FHIT: variants seen among roughly 807,000 people sequenced by gnomAD.
FHIT encodes fragile histidine triad diadenosine triphosphatase.
Under a neutral mutation model 17.9 loss-of-function variants are expected in FHIT, and 19 were observed. The ratio of observed to expected loss-of-function variants is 1.06; its 90% CI spans 0.74 to 1.56. The LOEUF (loss-of-function observed/expected upper bound fraction) is 1.56. Among genes scored for constraint, FHIT ranks in the 40% most tolerant of loss-of-function variants. The probability of loss-of-function intolerance (pLI) is 0.00; values close to 1 mark genes in which losing one functional copy is unlikely to be tolerated. For missense variants in FHIT, 248 were observed against 189.2 expected, an observed-to-expected ratio of 1.31 and a Z score of -1.82; for synonymous variants, 81 against 69.7, an observed-to-expected ratio of 1.16 and a Z score of -0.81.
intron 5 of FHIT, among the ~76,000 whole-genome samples, chr3:60,270,729 C>T (rs374469774): frequency 3.6e-4 from 55 of 152,262 alleles, no homozygotes; most frequent in East Asian, 1.2e-3. Context: ...GAGATTAGTT[C>T]GGCTTTGGCC....
chr3:60,297,464 C>G (rs946372576), intron 5 of FHIT, among the ~76,000 whole-genome samples: 2 of 151,864 alleles, frequency 1.3e-5, no homozygotes, highest in African/African-American at 2.4e-5. Context: ...TAGTTGGTTT[C>G]TATATGCTGG....
At chr3:60,167,260 C>T (rs538438728) in intron 5 of FHIT, among the ~76,000 whole-genome samples, 93 of 152,300 alleles carry the variant, frequency 6.1e-4, no homozygotes, top group Middle Eastern at 6.8e-3. Flanking sequence ...AGATATCCCA[C>T]TTCTGGAACA....
intron 5 of FHIT, among the ~76,000 whole-genome samples, chr3:60,399,032 T>A (rs1701563671): frequency 6.6e-6 from 1 of 152,168 alleles, no homozygotes; most frequent in Non-Finnish European, 1.5e-5. Flanking sequence ...GATGCTAACA[T>A]AACCTATTTT....
At chr3:60,714,561 A>C in intron 4 of FHIT, among the ~76,000 whole-genome samples, 1 of 152,226 alleles carries the variant, frequency 6.6e-6, no homozygotes, top group Admixed American at 6.5e-5. Context: ...AAATCTCCTT[A>C]AGCTGATAAG....
chr3:60,622,872 G>A (rs2039173393), intron 4 of FHIT, among the ~76,000 whole-genome samples: 1 of 152,174 alleles, frequency 6.6e-6, no homozygotes, highest in Non-Finnish European at 1.5e-5. Flanking sequence ...TGAGCTCCGT[G>A]CTCAAAAGAA....
At chr3:59,984,733 T>G (rs1708816920) in intron 7 of FHIT, among the ~76,000 whole-genome samples, 1 of 152,036 alleles carries the variant, frequency 6.6e-6, no homozygotes, top group Admixed American at 6.6e-5. Context: ...AAGCTCCTAT[T>G]AAGTTTGAGT....
intron 5 of FHIT, among the ~76,000 whole-genome samples, chr3:60,022,010 CAAA>C (rs1034529622): frequency 6.6e-6 from 1 of 152,144 alleles, no homozygotes; most frequent in African/African-American, 2.4e-5. Context: ...TCTGGCTTCT[CAAA>C]AATAAGAAAT....
chr3:59,940,079 C>T (rs775963750), intron 7 of FHIT, among the ~76,000 whole-genome samples: 1 of 152,086 alleles, frequency 6.6e-6, no homozygotes, highest in Non-Finnish European at 1.5e-5. Context: ...AGCTGTGGGA[C>T]CTGAGATAGT....
chr3:60,538,617 AG>A (rs2036072322), intron 4 of FHIT, among the ~76,000 whole-genome samples: 1 of 152,166 alleles, frequency 6.6e-6, no homozygotes, highest in African/African-American at 2.4e-5. Flanking sequence ...AACAGAACAG[AG>A]CCCTCAGAAA....
At chr3:60,545,893 G>T (rs1200393571) in intron 4 of FHIT, among the ~76,000 whole-genome samples, 2 of 152,124 alleles carry the variant, frequency 1.3e-5, no homozygotes, top group Non-Finnish European at 2.9e-5. Flanking sequence ...ATTGGTTTCT[G>T]AGAGGACTGT....
chr3:60,560,816 C>CAT lies in FHIT; in HGVS notation c.-17-23838_-17-23837insAT, dbSNP rs1427068125. ...TGATGTAAGGAGACACACACACACA[C>CAT]ACACACACACACACACACACACACA... On this transcript the variant is annotated intron_variant, in intron 4 of 9. Transcript: ENST00000492590. Among the ~76,000 whole-genome samples, 103 of 123,212 alleles carry CAT rather than the reference C, an allele frequency of 8.4e-4. 1 individual carries two copies. The highest frequency in any genetic ancestry group is 1.7e-4 in the Admixed American group (2 of 11,450). 80.8% of individuals were successfully genotyped at this position (123,212 alleles called of 152,430 possible).
chr3:59,929,422 G>A (rs1456546934), intron 7 of FHIT, among the ~76,000 whole-genome samples: 3 of 137,076 alleles, frequency 2.2e-5, no homozygotes, highest in African/African-American at 5.5e-5. Flanking sequence ...CCAGGCTGGA[G>A]TGCAGTGGCA....
chr3:60,786,748 G>A (rs6790615), intron 4 of FHIT, among the ~76,000 whole-genome samples: 43,669 of 151,984 alleles, frequency 0.29, 8,059 homozygotes, highest in African/African-American at 0.53. Flanking sequence ...TATTTCACCA[G>A]TGCTTTGCAC....
intron 3 of FHIT, among the ~76,000 whole-genome samples, chr3:60,839,684 T>C (rs1171125574): frequency 6.6e-6 from 1 of 152,104 alleles, no homozygotes; most frequent in South Asian, 2.1e-4. Context: ...CTGCAGCTCA[T>C]TTGTTGTCCC....
At chr3:60,531,712 G>C (rs796289104) in intron 5 of FHIT, among the ~76,000 whole-genome samples, 7 of 152,160 alleles carry the variant, frequency 4.6e-5, no homozygotes, top group African/African-American at 1.7e-4. Flanking sequence ...CTAAAAGGGC[G>C]CTTTTATGTA....
Position 59,986,717 on chromosome 3 carries a change from C to CATATATAAATATATTTATATAA in FHIT, c.279+24653_279+24654insTTATATAAATATATTTATATAT, listed in dbSNP as rs1708955668. On this transcript the variant is annotated intron_variant, in intron 7 of 9. Coordinates refer to ENST00000492590, the MANE Select transcript of FHIT (RefSeq NM_002012.4). Reference sequence around the variant, plus strand: ...TTATATATATTTATATAAATATATACATATATTTATATAAATATATACATA... The same window carrying CATATATAAATATATTTATATAA: ...TTATATATATTTATATAAATATATACATATATAAATATATTTATATAAATATATTTATATAAATATATACATA... Among the ~76,000 whole-genome samples the CATATATAAATATATTTATATAA allele has an allele frequency of 2.7e-4, 4 of 15,014 alleles. 1 individual carries two copies. The highest frequency in any genetic ancestry group is 2.6e-3 in the South Asian group (1 of 384). The allele number at this position is 15,014 out of a possible 152,430, so 9.8% of individuals were successfully genotyped here.
At chr3:59,864,649 G>C (rs1221748212) in intron 8 of FHIT, among the ~76,000 whole-genome samples, 4 of 151,470 alleles carry the variant, frequency 2.6e-5, no homozygotes, top group Non-Finnish European at 5.9e-5. Context: ...AACACGACTT[G>C]CAGTTTCTTT....
intron 5 of FHIT, among the ~76,000 whole-genome samples, chr3:60,337,168 A>T (rs1286855155): frequency 6.6e-6 from 1 of 152,178 alleles, no homozygotes; most frequent in African/African-American, 2.4e-5. Context: ...TAATGTGATA[A>T]ATTATGCTGC....
Position 60,374,098 on chromosome 3 carries a change from A to G in FHIT, c.103+162762T>C, listed in dbSNP as rs568797982. Among the ~76,000 whole-genome samples, 19 of 152,354 alleles carry G rather than the reference A, an allele frequency of 1.2e-4. 1 individual carries two copies. Among genetic ancestry groups the G allele is most frequent in the African/African-American group, 4.3e-4 (18 of 41,572 alleles). ...CATTTCTCTGAATTATTTTTCTTAC[A>G]TATAACACATATATGACATTTGACC... On this transcript the variant is annotated intron_variant, in intron 5 of 9. Coordinates refer to ENST00000492590, the MANE Select transcript of FHIT (RefSeq NM_002012.4).
Sources: gnomAD v4.1 joint callset for allele counts (sites outside exome capture counted in the v4.1 genomes callset) on GRCh38, gnomAD v4.1.1 for gene constraint, MANE v1.5 for transcripts, NCBI Gene and HGNC (gene_info 2026-07-23, HGNC 2026-07-21) for gene names.